WWOX: variants seen among roughly 807,000 people sequenced by gnomAD.
WWOX encodes the protein WW domain-containing oxidoreductase.
Under a neutral mutation model 46.2 loss-of-function variants are expected in WWOX, and 69 were observed. That is an observed-to-expected ratio of 1.49 (90% CI 1.23 to 1.82). WWOX has a LOEUF of 1.82. Ranked by LOEUF, WWOX falls within the 40% of genes most tolerant of loss-of-function variation. WWOX has a pLI of 0.00. For synonymous variants in WWOX, 359 were observed against 202.6 expected (o/e 1.77, Z -6.56); for missense variants, 919 against 542.6 (o/e 1.69, Z -6.89).
intron 5 of WWOX, among the ~76,000 whole-genome samples, chr16:78,307,213 C>T (rs935801228): frequency 2.0e-5 from 3 of 152,206 alleles, no homozygotes; most frequent in African/African-American, 7.2e-5. Context: ...TACCTGTTCA[C>T]TGCTGCCCGT....
At chr16:78,713,363 T>C (rs920366729) in intron 8 of WWOX, among the ~76,000 whole-genome samples, 3 of 150,370 alleles carry the variant, frequency 2.0e-5, no homozygotes, top group Non-Finnish European at 4.4e-5. Flanking sequence ...AGACAACTAG[T>C]TCATGGTAAC....
intron 8 of WWOX, among the ~76,000 whole-genome samples, chr16:78,680,347 C>G (rs150535843): frequency 6.6e-6 from 1 of 152,076 alleles, no homozygotes; most frequent in Non-Finnish European, 1.5e-5. Context: ...AGTTCAAGAC[C>G]AGCCTGAACG....
At chr16:78,110,488 G>A (rs1051758205) in intron 3 of WWOX, among the ~76,000 whole-genome samples, 1 of 151,470 alleles carries the variant, frequency 6.6e-6, no homozygotes, top group Non-Finnish European at 1.5e-5. Context: ...TTATTATTTT[G>A]TACAGATATA....
At chr16:78,780,876 G>A (rs569727889) in intron 8 of WWOX, among the ~76,000 whole-genome samples, 44 of 152,334 alleles carry the variant, frequency 2.9e-4, no homozygotes, top group African/African-American at 9.4e-4. Context: ...GCAGGGCAGT[G>A]ATGTTTTTTA....
chr16:78,327,751 T>G (rs549612550), intron 5 of WWOX, among the ~76,000 whole-genome samples: 1 of 152,188 alleles, frequency 6.6e-6, no homozygotes, highest in East Asian at 1.9e-4. Context: ...CGACCATGGC[T>G]ATATTATTTA....
chr16:78,869,773 G>A (rs2044086682), intron 8 of WWOX, among the ~76,000 whole-genome samples: 1 of 152,194 alleles, frequency 6.6e-6, no homozygotes, highest in East Asian at 1.9e-4. Context: ...CTCGCAGATA[G>A]CCTCTTAGCA....
intron 4 of WWOX, among the ~76,000 whole-genome samples, chr16:78,146,410 C>G (rs1019842351): frequency 6.6e-6 from 1 of 152,086 alleles, no homozygotes; most frequent in Non-Finnish European, 1.5e-5. Context: ...GAAGCAGCAG[C>G]GGGGTGAGGG....
At chr16:79,066,595 T>C (rs2048446213) in intron 8 of WWOX, among the ~76,000 whole-genome samples, 1 of 152,198 alleles carries the variant, frequency 6.6e-6, no homozygotes, top group African/African-American at 2.4e-5. Context: ...AAAGCTCACC[T>C]CTTTACAGCT....
At chr16:78,295,773 C>G (rs1201600182) in intron 5 of WWOX, among the ~76,000 whole-genome samples, 1 of 152,190 alleles carries the variant, frequency 6.6e-6, no homozygotes, top group Non-Finnish European at 1.5e-5. Flanking sequence ...TGAGCAGACA[C>G]CAGAATCTCA....
chr16:78,718,408 A>G (rs1431628993), intron 8 of WWOX, among the ~76,000 whole-genome samples: 1 of 152,212 alleles, frequency 6.6e-6, no homozygotes, highest in African/African-American at 2.4e-5. Context: ...AGTTAAATAA[A>G]TTTAATGTTT....
intron 1 of WWOX, among the ~76,000 whole-genome samples, chr16:78,100,520 A>G (rs1029628233): frequency 1.3e-5 from 2 of 152,166 alleles, no homozygotes; most frequent in Non-Finnish European, 2.9e-5. Flanking sequence ...TCCAGAATTG[A>G]GATTACAGGC....
chr16:79,209,885 G>T (rs900828797), intron 8 of WWOX, among the ~76,000 whole-genome samples: 1 of 152,226 alleles, frequency 6.6e-6, no homozygotes, highest in African/African-American at 2.4e-5. Flanking sequence ...AAGGAAATTT[G>T]GATGACATGA....
Position 78,687,638 on chromosome 16 carries a change from G to T in WWOX, c.1056+254886G>T, listed in dbSNP as rs74032726. ...AAGAGTAATGGTTATCTATAGCTCA[G>T]GAACCCTTGGTTAGCACAGCCTCTA... On this transcript the variant is annotated intron_variant, in intron 8 of 8. Coordinates refer to ENST00000566780, the MANE Select transcript of WWOX (RefSeq NM_016373.4). Among the ~76,000 whole-genome samples the T allele has an allele frequency of 5.6e-4, 85 of 152,296 alleles. 1 individual carries two copies. Among genetic ancestry groups the T allele is most frequent in the Middle Eastern group, 3.4e-3 (1 of 290 alleles).
At chr16:78,661,430 C>G (rs893363870) in intron 8 of WWOX, among the ~76,000 whole-genome samples, 1 of 152,126 alleles carries the variant, frequency 6.6e-6, no homozygotes, top group Admixed American at 6.5e-5. Context: ...CAATACATCA[C>G]ATTGATTTTC....
At chr16:79,050,659 A>G (rs2048149267) in intron 8 of WWOX, among the ~76,000 whole-genome samples, 1 of 152,206 alleles carries the variant, frequency 6.6e-6, no homozygotes, top group African/African-American at 2.4e-5. Flanking sequence ...AGGAATTTTA[A>G]GAACAGGAGT....
chr16:78,870,680 C>A (rs2044107988), intron 8 of WWOX, among the ~76,000 whole-genome samples: 1 of 152,174 alleles, frequency 6.6e-6, no homozygotes, highest in African/African-American at 2.4e-5. Flanking sequence ...TGCCTCACGG[C>A]AACCTCTGCC....
chr16:78,643,134 T>C (rs539822512), intron 8 of WWOX, among the ~76,000 whole-genome samples: 42 of 152,304 alleles, frequency 2.8e-4, no homozygotes, highest in African/African-American at 9.6e-4. Flanking sequence ...TCTATGCAGC[T>C]ATCCAGACCC....
At chr16:78,569,097 G>A (rs1424730567) in intron 8 of WWOX, among the ~76,000 whole-genome samples, 1 of 152,122 alleles carries the variant, frequency 6.6e-6, no homozygotes, top group African/African-American at 2.4e-5. Context: ...GAACACTCAG[G>A]TTTGCAAACC....
intron 6 of WWOX, among the ~76,000 whole-genome samples, chr16:78,417,040 G>GGGGGTGTGTGTGTGT (rs58277331): frequency 2.0e-5 from 3 of 151,382 alleles, no homozygotes; most frequent in South Asian, 4.2e-4. Flanking sequence ...ACCCTTTGGG[G>GGGGGTGTGTGTGTGT]GTGTGTGTGT....
Sources: gnomAD v4.1 joint callset for allele counts (sites outside exome capture counted in the v4.1 genomes callset) on GRCh38, gnomAD v4.1.1 for gene constraint, MANE v1.5 for transcripts, NCBI Gene and HGNC (gene_info 2026-07-23, HGNC 2026-07-21) for gene names.